DACT1: variants seen among roughly 807,000 people sequenced by gnomAD.
DACT1 encodes the protein dapper homolog 1.
In DACT1, 19 loss-of-function variants were observed where a neutral mutation model predicts 35.3. The observed-to-expected ratio is 0.54, with a 90% CI of 0.38 to 0.79. The LOEUF (loss-of-function observed/expected upper bound fraction) is 0.79, where lower values mean the gene tolerates loss of function less well. Ranked by LOEUF, DACT1 falls within the 30% of genes least tolerant of loss-of-function variation. The probability of loss-of-function intolerance (pLI) is 0.00; values close to 1 mark genes in which losing one functional copy is unlikely to be tolerated. For missense variants in DACT1, 1,143 were observed against 1,057.5 expected, an observed-to-expected ratio of 1.08 and a Z score of -1.12; for synonymous variants, 545 against 466.7, an observed-to-expected ratio of 1.17 and a Z score of -2.16.
Position 58,647,422 on chromosome 14 carries a change from G to C in DACT1, c.*288G>C, listed in dbSNP as rs1213335604. On this transcript the variant is annotated 3_prime_UTR_variant, in exon 4 of 4. Transcript: ENST00000395153. Reference sequence around the variant, plus strand: ...TTATTTTAAACTTTCTGAGCATCCGGCAAGGTACAGGTTTTGATGTTCAAG... The same window carrying C: ...TTATTTTAAACTTTCTGAGCATCCGCCAAGGTACAGGTTTTGATGTTCAAG... 7.6e-6 allele frequency: 3 copies of C among 395,126 alleles called. No individual in the cohort carries two copies. The Admixed American group carries it at 1.4e-4, about 18-fold the overall frequency. The allele number at this position is 395,126 out of a possible 1,614,324, so 24.5% of individuals were successfully genotyped here.
upstream of DACT1, among the ~76,000 whole-genome samples, chr14:58,635,872 T>G (rs1377338750): frequency 1.3e-5 from 2 of 152,186 alleles, no homozygotes; most frequent in Non-Finnish European, 2.9e-5. Flanking sequence ...AGGAATCTAA[T>G]TCAGAGCTGG....
rs2140213703 is a variant in DACT1 at position 58,640,848 on chromosome 14, C to G, written c.458C>G (p.Thr153Arg). The stretch of plus-strand genomic sequence containing the variant: ...AAGACATCTGAAGAGCACCTGGAGA[C>G]AGACAGTCGGCCTAGCTCAGGTGAG... ...VEKTSEEHLETDSRPSSGFYE... is the reference protein window; with the variant it reads ...VEKTSEEHLERDSRPSSGFYE... Residue 153 changes from threonine to arginine, a missense_variant, in exon 2 of 4, where the codon ACA becomes AGA. Physicochemically the swap from Thr to Arg is moderately conservative, Grantham distance 71. Coordinates refer to ENST00000395153, the MANE Select transcript of DACT1 (RefSeq NM_001079520.2). The G allele has an allele frequency of 6.2e-7, 1 of 1,614,140 alleles. No individual in the cohort carries two copies. The highest frequency in any genetic ancestry group is 1.6e-4 in the Middle Eastern group (1 of 6,062).
In DACT1 at chr14:58,647,074, C is replaced by G. The variant is rs754303146; in HGVS notation, c.2340C>G (p.Asn780Lys). The change falls in exon 4 of 4, where the codon AAC becomes AAG. Residue 780 changes from asparagine (N) to lysine (K), a missense_variant. Transcript: ENST00000395153. ...TTGTCAAAATTAAGGCCTCACATAA[C>G]CTCAAGAAGAAGATCCTCCGCTTTC... ...KTFVKIKASH[N>K]LKKKILRFRS... 6.2e-7 allele frequency: 1 copy of G among 1,614,044 alleles called. No individual in the cohort carries two copies.
upstream of DACT1, among the ~76,000 whole-genome samples, chr14:58,636,484 GTAGA>G (rs796713877): frequency 4.0e-4 from 61 of 152,228 alleles, 2 homozygotes; most frequent in African/African-American, 1.4e-3. Context: ...AAACACCTAC[GTAGA>G]TAGATATGCG....
chr14:58,638,901 T>C, intron 1 of DACT1: 1 of 1,023,514 alleles, frequency 9.8e-7, no homozygotes, highest in South Asian at 4.6e-5. Context: ...CCCCAGCGGT[T>C]TGCAAACTCC....
In DACT1 at chr14:58,647,271, T is replaced by G; in HGVS notation, c.*137T>G. 9.5e-7 allele frequency: 1 copy of G among 1,048,552 alleles called. No homozygotes were observed. The highest frequency in any genetic ancestry group is 1.4e-6 in the Non-Finnish European group (1 of 725,152). 65.0% of individuals were successfully genotyped at this position (1,048,552 alleles called of 1,614,324 possible). On this transcript the variant is annotated 3_prime_UTR_variant, in exon 4 of 4. Coordinates refer to ENST00000395153, the MANE Select transcript of DACT1 (RefSeq NM_001079520.2). ...AAAAAAATATAAAACCAAGGTAAATTATTGTTTCATCTTCACGTATGGATG... is the reference window on the plus strand; with the variant it reads ...AAAAAAATATAAAACCAAGGTAAATGATTGTTTCATCTTCACGTATGGATG...
chr14:58,646,697 A>C lies in DACT1; in HGVS notation c.1963A>C (p.Arg655=). 6.2e-7 allele frequency: 1 copy of C among 1,613,206 alleles called. No homozygotes were observed. The highest frequency in any genetic ancestry group is 8.5e-7 in the Non-Finnish European group (1 of 1,179,906). The stretch of plus-strand genomic sequence containing the variant: ...CGAGATTTCCTACGAAGAGGCCCTG[A>C]GGAGGGCCCGGCGCGGTCGCCGGGA... ...SAEISYEEAL[R]RARRGRRENV... The change falls in exon 4 of 4, where the codon AGG becomes CGG. Residue 655 remains arginine (R), a synonymous_variant. Coordinates refer to ENST00000395153, the MANE Select transcript of DACT1 (RefSeq NM_001079520.2).
At position 58,647,654 on chromosome 14, in the gene DACT1, A is replaced by G. The variant is rs889130312; in HGVS notation, c.*520A>G. 2 of 168,446 alleles carry G rather than the reference A, an allele frequency of 1.2e-5. No homozygotes were observed. The highest frequency in any genetic ancestry group is 4.8e-5 in the African/African-American group (2 of 41,324). 10.4% of individuals were successfully genotyped at this position (168,446 alleles called of 1,614,324 possible). On this transcript the variant is annotated 3_prime_UTR_variant, in exon 4 of 4. Coordinates refer to ENST00000395153, the MANE Select transcript of DACT1 (RefSeq NM_001079520.2). ...GTCTACATTTCTCAGATGTATCCCC[A>G]TTCGGTTTTATTCTCAGAACTGTTA...
rs1209361333 is a variant in DACT1 at position 58,646,012 on chromosome 14, T to A, written c.1278T>A (p.His426Gln). 1.2e-6 allele frequency: 2 copies of A among 1,614,078 alleles called. No homozygotes were observed. The highest frequency in any genetic ancestry group is 1.1e-5 in the South Asian group (1 of 91,090). Residue 426 changes from histidine (H) to glutamine (Q), a missense_variant, in exon 4 of 4, where the codon CAT becomes CAA. By Grantham distance (24) the His-to-Gln change is conservative. Around this residue, in one of 3 missense-constraint regions of DACT1, gnomAD observed 1,054 missense variants for 958.8 expected, o/e 1.10. Transcript: ENST00000395153. ...CGGCCAAGCCAGCCTCGCAAGAACA[T>A]GCTCGGTGTTCCGCCATTGGGACAG... ...PKTAKPASQE[H>Q]ARCSAIGTGE... is the part of the protein sequence containing the mutation.
intron 3 of DACT1, among the ~76,000 whole-genome samples, chr14:58,642,768 C>T (rs1365728786): frequency 2.0e-5 from 3 of 152,260 alleles, no homozygotes; most frequent in Non-Finnish European, 4.4e-5. Context: ...GTTGGCACTT[C>T]AGGGAGCAAT....
intron 1 of DACT1, chr14:58,638,756 C>A: frequency 4.2e-6 from 5 of 1,195,120 alleles, no homozygotes; most frequent in Non-Finnish European, 5.2e-6. Flanking sequence ...GGCGTGTGCC[C>A]GCTTTGTGTC....
chr14:58,638,611 G>T, intron 1 of DACT1, 64 bp downstream of exon 1: 1 of 1,280,638 alleles, frequency 7.8e-7, no homozygotes, highest in Non-Finnish European at 9.9e-7. Context: ...CGGGCAGGTG[G>T]CCTGGGGCGG....
At chr14:58,636,324 A>G (rs2047572107), upstream of DACT1, among the ~76,000 whole-genome samples, 1 of 152,190 alleles carries the variant, frequency 6.6e-6, no homozygotes, top group Non-Finnish European at 1.5e-5. Context: ...ACAATTTACA[A>G]CCAATCTACA....
Position 58,638,119 on chromosome 14 carries a change from A to C in DACT1, c.-84A>C, listed in dbSNP as rs1357174934. ...CCCCGCCACAGGGCGGCATGAGCCC[A>C]CCCGCGGCCGCAGCCCTAGCGCCCT... On this transcript the variant is annotated 5_prime_UTR_variant, in exon 1 of 4. Transcript: ENST00000395153. 1 of 1,213,200 alleles carries C rather than the reference A, an allele frequency of 8.2e-7. No homozygotes were observed. The highest frequency in any genetic ancestry group is 1.0e-6 in the Non-Finnish European group (1 of 973,898). The allele number at this position is 1,213,200 out of a possible 1,614,324, so 75.2% of individuals were successfully genotyped here.
chr14:58,636,240 A>G (rs978438439), upstream of DACT1, among the ~76,000 whole-genome samples: 13 of 152,180 alleles, frequency 8.5e-5, no homozygotes, highest in Admixed American at 8.5e-4. Flanking sequence ...GTTTTTTGGT[A>G]AATGTCAACT....
chr14:58,643,301 G>A (rs1458965232), intron 3 of DACT1, among the ~76,000 whole-genome samples: 1 of 152,214 alleles, frequency 6.6e-6, no homozygotes, highest in Admixed American at 6.5e-5. Flanking sequence ...CTGTTACATT[G>A]TGAATTCTTA....
chr14:58,646,209 C>T lies in DACT1; in HGVS notation c.1475C>T (p.Ala492Val), dbSNP rs779376835. The change falls in exon 4 of 4, where the codon GCT becomes GTT. Residue 492 changes from alanine to valine, a missense_variant. By Grantham distance (64) the Ala-to-Val change is moderately conservative. Transcript: ENST00000395153. The stretch of plus-strand genomic sequence containing the variant: ...GCCACTCCTCCCCTGCTGTCTACAG[C>T]TTTCCCCGTGGAAGAGAGGCCTGCC... ...PPATPPLLST[A>V]FPVEERPALD... The T allele has an allele frequency of 1.9e-6, 3 of 1,613,696 alleles. No individual in the cohort carries two copies. Among genetic ancestry groups the T allele is most frequent in the African/African-American group, 1.3e-5 (1 of 74,922 alleles).
Position 58,645,476 on chromosome 14 carries a change from C to T in DACT1, c.742C>T (p.Leu248Phe), listed in dbSNP as rs373250796. 1.2e-6 allele frequency: 2 copies of T among 1,614,204 alleles called. No individual in the cohort carries two copies. Among genetic ancestry groups the T allele is most frequent in the Non-Finnish European group, 8.5e-7 (1 of 1,180,026 alleles). The change falls in exon 4 of 4, where the codon CTT (leucine) becomes TTT (phenylalanine). Residue 248 changes from leucine (L) to phenylalanine (F), a missense_variant. By Grantham distance (22) the Leu-to-Phe change is conservative (BLOSUM62 0). Transcript: ENST00000395153. ...GGCTGTGCAGAGCCCAATGTTTCTC[C>T]TTTGTCTGACGGGCAACCCTCTGAG... ...AVAVQSPMFL[L>F]CLTGNPLREE...
At chr14:58,640,318 C>A (rs985284002) in intron 1 of DACT1, among the ~76,000 whole-genome samples, 3 of 152,200 alleles carry the variant, frequency 2.0e-5, no homozygotes, top group African/African-American at 7.2e-5. Context: ...GCCAGAAAAT[C>A]TCACCTAAGA....
Sources: gnomAD v4.1 joint callset for allele counts (sites outside exome capture counted in the v4.1 genomes callset) on GRCh38, gnomAD v4.1.1 for gene constraint, gnomAD v4.1.1 regional missense constraint, MANE v1.5 for transcripts, NCBI Gene and HGNC (gene_info 2026-07-23, HGNC 2026-07-21) for gene names.